INO80: variants seen among roughly 807,000 people sequenced by gnomAD.
INO80 encodes the protein chromatin-remodeling ATPase INO80.
INO80 carries 20 observed loss-of-function variants against 203.4 expected under a neutral mutation model. The observed-to-expected ratio is 0.10, with a 90% CI of 0.07 to 0.14. INO80 has a LOEUF of 0.14. INO80 is among the 10% of genes least tolerant of loss of function. The probability of loss-of-function intolerance (pLI) is 1.00; values close to 1 mark genes in which losing one functional copy is unlikely to be tolerated. For synonymous variants in INO80, 726 were observed against 685.2 expected, an observed-to-expected ratio of 1.06 and a Z score of -0.93; for missense variants, 1,419 against 1,914.4, an observed-to-expected ratio of 0.74 and a Z score of 4.83.
At chr15:41,045,737 A>G (rs2044746191) in intron 23 of INO80, among the ~76,000 whole-genome samples, 1 of 151,032 alleles carries the variant, frequency 6.6e-6, no homozygotes, top group Non-Finnish European at 1.5e-5. Context: ...TACAAAAAAA[A>G]AAGAATACAA....
At chr15:41,084,832 T>A (rs939648231) in intron 7 of INO80, among the ~76,000 whole-genome samples, 1 of 152,188 alleles carries the variant, frequency 6.6e-6, no homozygotes. Context: ...CTCAACCTCC[T>A]GGGCTCTATC....
chr15:41,103,747 A>G (rs2140689216), intron 1 of INO80, among the ~76,000 whole-genome samples: 1 of 152,254 alleles, frequency 6.6e-6, no homozygotes, highest in Admixed American at 6.5e-5. Flanking sequence ...AAAACTCAAT[A>G]AAATCTAAAT....
At chr15:41,097,979 T>A (rs1035147411) in intron 1 of INO80, among the ~76,000 whole-genome samples, 3 of 152,002 alleles carry the variant, frequency 2.0e-5, no homozygotes, top group Non-Finnish European at 2.9e-5. Flanking sequence ...CAACAACAAC[T>A]AAATGAAATG....
intron 24 of INO80, among the ~76,000 whole-genome samples, chr15:41,031,971 A>G (rs1171609621): frequency 1.4e-5 from 1 of 70,336 alleles, no homozygotes. Flanking sequence ...AGGACAGCAC[A>G]GCACAGCACA....
At chr15:41,067,369 C>T (rs993161879) in intron 14 of INO80, among the ~76,000 whole-genome samples, 1 of 151,904 alleles carries the variant, frequency 6.6e-6, no homozygotes, top group Non-Finnish European at 1.5e-5. Context: ...CCACCATGCC[C>T]GGCCAAGATC....
intron 1 of INO80, among the ~76,000 whole-genome samples, chr15:41,114,472 G>T (rs564542073): frequency 1.5e-4 from 23 of 152,222 alleles, no homozygotes; most frequent in African/African-American, 4.6e-4. Flanking sequence ...ACTCTGGGAG[G>T]CCAAGGCAGG....
In INO80 at chr15:41,096,271, T is replaced by G; in HGVS notation, c.40A>C (p.Thr14Pro). Residue 14 changes from threonine to proline, a missense_variant, in exon 2 of 36, where the codon ACT (threonine) becomes CCT (proline). Physicochemically the swap from Thr to Pro is conservative, Grantham distance 38. Around this residue, in one of 9 missense-constraint regions of INO80, gnomAD observed 323 missense variants for 325.4 expected, o/e 0.99. Transcript: ENST00000648947. ...AGATAGAGGGGCTTTGCCAGCTCAG[T>G]GCAGCCTCCATCATCCCTGGCACCC... ...ELGARDDGGCTELAKPLYLQY... is the reference protein window; with the variant it reads ...ELGARDDGGCPELAKPLYLQY... 1.9e-6 allele frequency: 3 copies of G among 1,608,700 alleles called. No individual in the cohort carries two copies. Among genetic ancestry groups the G allele is most frequent in the Non-Finnish European group, 2.5e-6 (3 of 1,178,678 alleles).
At chr15:41,103,049 T>C (rs1455653923) in intron 1 of INO80, among the ~76,000 whole-genome samples, 1 of 152,154 alleles carries the variant, frequency 6.6e-6, no homozygotes, top group Non-Finnish European at 1.5e-5. Context: ...AGATGTTTTC[T>C]AGCCCCTACA....
chr15:41,089,229 A>G (rs1277239268), intron 5 of INO80, among the ~76,000 whole-genome samples: 1 of 152,162 alleles, frequency 6.6e-6, no homozygotes, highest in Admixed American at 6.6e-5. Flanking sequence ...ATAAAAAACA[A>G]GCAAATACTT....
At chr15:41,046,206 C>CATACATACATATAT (rs1268610100) in intron 23 of INO80, among the ~76,000 whole-genome samples, 1 of 14,420 alleles carries the variant, frequency 6.9e-5, no homozygotes, top group African/African-American at 2.3e-4. Flanking sequence ...CGTATACATA[C>CATACATACATATAT]ATATATATAT....
chr15:41,055,480 G>A (rs2044966268), intron 17 of INO80, 116 bp from the exon 18 acceptor site: 1 of 445,900 alleles, frequency 2.2e-6, no homozygotes, highest in Non-Finnish European at 3.9e-6. Context: ...AGATGCATGT[G>A]TATGTGTGAA....
At chr15:41,040,133 T>C (rs2044645135) in intron 24 of INO80, among the ~76,000 whole-genome samples, 1 of 151,858 alleles carries the variant, frequency 6.6e-6, no homozygotes. Flanking sequence ...TGCTTAAGCC[T>C]AGGAGTTCAA....
intron 1 of INO80, among the ~76,000 whole-genome samples, chr15:41,098,052 G>A (rs567219469): frequency 1.4e-4 from 22 of 152,128 alleles, no homozygotes; most frequent in Middle Eastern, 3.4e-3. Flanking sequence ...GGGTTTCACC[G>A]TGTTGGCCAG....
chr15:41,079,835 A>G lies in INO80; in HGVS notation c.997T>C (p.Leu333=), dbSNP rs1186189238. The G allele has an allele frequency of 1.2e-6, 2 of 1,614,108 alleles. No individual in the cohort carries two copies. The highest frequency in any genetic ancestry group is 1.7e-6 in the Non-Finnish European group (2 of 1,180,010). Residue 333 remains leucine, a synonymous_variant, in exon 9 of 36, where the codon TTG becomes CTG. Coordinates refer to ENST00000648947, the MANE Select transcript of INO80 (RefSeq NM_017553.3). ...TTGGTGAGGCGGCGGGCACGAGGCA[A>G]GGTTTCCTTACAGTTCTTCTGGGCC... The part of the protein sequence containing the change: ...LQAQKNCKET[L]PRARRLTKEM...
chr15:40,995,255 G>A (rs1247792919), intron 29 of INO80, among the ~76,000 whole-genome samples: 1 of 152,196 alleles, frequency 6.6e-6, no homozygotes, highest in East Asian at 1.9e-4. Context: ...AATAAAGGGA[G>A]GGGCTGGGAA....
intron 14 of INO80, among the ~76,000 whole-genome samples, chr15:41,066,461 T>A (rs1169438106): frequency 6.6e-6 from 1 of 152,012 alleles, no homozygotes; most frequent in Non-Finnish European, 1.5e-5. Flanking sequence ...CCAGCCCATT[T>A]TTAAATAGTT....
intron 24 of INO80, among the ~76,000 whole-genome samples, chr15:41,031,438 A>C: frequency 7.3e-6 from 1 of 137,460 alleles, no homozygotes. Flanking sequence ...GAAAGAAAGA[A>C]GGAAAGGAGG....
At chr15:40,996,119 C>T (rs1320502492) in intron 29 of INO80, among the ~76,000 whole-genome samples, 1 of 152,064 alleles carries the variant, frequency 6.6e-6, no homozygotes, top group Non-Finnish European at 1.5e-5. Flanking sequence ...TCTCCACTAC[C>T]CTCATGAGTT....
At position 41,055,342 on chromosome 15, in the gene INO80, A is replaced by G; in HGVS notation, c.2093T>C (p.Ile698Thr). The G allele has an allele frequency of 6.2e-7, 1 of 1,611,960 alleles. No homozygotes were observed. Among genetic ancestry groups the G allele is most frequent in the African/African-American group, 1.3e-5 (1 of 75,028 alleles). ...ATGTGAATCAAATAATGTTGGCATA[A>G]TGAAATGCAGCAGAGCCCAAAGCTG... ...MAELWALLHF[I>T]MPTLFDSHEE... Residue 698 changes from isoleucine to threonine, a missense_variant, in exon 18 of 36, where the codon ATT becomes ACT. By Grantham distance (89) the Ile-to-Thr change is moderately conservative. Around this residue, in one of 9 missense-constraint regions of INO80, gnomAD observed 192 missense variants for 406.7 expected, o/e 0.47. Transcript: ENST00000648947.
Sources: allele counts gnomAD v4.1 joint callset (sites outside exome capture counted in the v4.1 genomes callset), GRCh38; gene constraint gnomAD v4.1.1; regional missense constraint gnomAD v4.1.1; transcripts MANE v1.5; gene names NCBI Gene and HGNC (gene_info 2026-07-23, HGNC 2026-07-21).